Variants in ODAD2 observed in about 807,000 individuals in gnomAD.
ODAD2 encodes outer dynein arm-docking complex subunit 2.
ODAD2 carries 89 observed loss-of-function variants against 106.8 expected under a neutral mutation model. The ratio of observed to expected loss-of-function variants is 0.83; its 90% CI spans 0.70 to 0.99. ODAD2 has a LOEUF of 0.99. Among genes scored for constraint, ODAD2 ranks in the 50% least tolerant of loss-of-function variants. The probability of loss-of-function intolerance (pLI) is 0.00; values close to 1 mark genes in which losing one functional copy is unlikely to be tolerated. For missense variants in ODAD2, 1,168 were observed against 1,238.5 expected (o/e 0.94, Z 0.85); for synonymous variants, 404 against 436.2 (o/e 0.93, Z 0.92).
At chr10:27,899,605 C>A (rs926002604) in intron 17 of ODAD2, among the ~76,000 whole-genome samples, 1 of 152,120 alleles carries the variant, frequency 6.6e-6, no homozygotes, top group African/African-American at 2.4e-5. Context: ...CAAAGTCGAC[C>A]TGGCATGCTC....
chr10:27,941,769 C>A (rs1846466424), intron 12 of ODAD2, among the ~76,000 whole-genome samples: 1 of 152,140 alleles, frequency 6.6e-6, no homozygotes, highest in African/African-American at 2.4e-5. Context: ...CTGTCTCTAT[C>A]TGGGGCTTGG....
intron 17 of ODAD2, chr10:27,905,306 C>A (rs894302043): frequency 6.6e-6 from 1 of 151,994 alleles, no homozygotes; most frequent in East Asian, 1.9e-4. Flanking sequence ...ATACAACTTA[C>A]AAGGGATGTG....
chr10:27,986,682 G>A (rs988270550), intron 3 of ODAD2, among the ~76,000 whole-genome samples: 2 of 152,080 alleles, frequency 1.3e-5, no homozygotes, highest in African/African-American at 4.8e-5. Context: ...AATAAAGCAG[G>A]ACGCATACAT....
At chr10:27,985,882 G>A (rs922130519) in intron 3 of ODAD2, among the ~76,000 whole-genome samples, 1 of 151,896 alleles carries the variant, frequency 6.6e-6, no homozygotes, top group African/African-American at 2.4e-5. Context: ...ACCTAGAGAT[G>A]TTGAAAACAG....
chr10:27,888,790 C>G (rs1196156436), intron 17 of ODAD2, among the ~76,000 whole-genome samples: 1 of 152,084 alleles, frequency 6.6e-6, no homozygotes, highest in Non-Finnish European at 1.5e-5. Flanking sequence ...ACAAGGGTGT[C>G]AAAACTATTC....
chr10:27,883,064 A>T (rs1857617), intron 17 of ODAD2, among the ~76,000 whole-genome samples: 4 of 151,668 alleles, frequency 2.6e-5, no homozygotes, highest in Non-Finnish European at 4.4e-5. Context: ...GGAATCTAAA[A>T]GGCTACATAC....
chr10:27,843,265 G>T lies in ODAD2; in HGVS notation c.3021+17360C>A, dbSNP rs1197796159. On this transcript the variant is annotated intron_variant, in intron 19 of 19. Coordinates refer to ENST00000305242, the MANE Select transcript of ODAD2 (RefSeq NM_018076.5). ...AACAGCCTATCTGCAACAAATCTGTGCATGAAAATCTTGAAGGTTTAGAAA... is the reference window on the plus strand; with the variant it reads ...AACAGCCTATCTGCAACAAATCTGTTCATGAAAATCTTGAAGGTTTAGAAA... Among the ~76,000 whole-genome samples the T allele has an allele frequency of 2.0e-5, 3 of 152,170 alleles. No homozygotes were observed. In the East Asian group the frequency reaches 5.8e-4, roughly 29 times the overall value.
At chr10:27,862,840 T>TA (rs1564440300) in intron 17 of ODAD2, among the ~76,000 whole-genome samples, 2 of 151,984 alleles carry the variant, frequency 1.3e-5, no homozygotes, top group South Asian at 4.1e-4. Context: ...GTAGCACATA[T>TA]AAAAATTCAG....
intron 17 of ODAD2, among the ~76,000 whole-genome samples, chr10:27,865,404 A>C (rs2133372303): frequency 6.6e-6 from 1 of 152,288 alleles, no homozygotes; most frequent in Non-Finnish European, 1.5e-5. Context: ...GTCTGCACAA[A>C]CCTTTTCTGT....
intron 16 of ODAD2, among the ~76,000 whole-genome samples, chr10:27,916,847 G>A (rs1019844691): frequency 1.3e-5 from 2 of 152,026 alleles, no homozygotes; most frequent in Admixed American, 6.6e-5. Context: ...ACAGATTTTC[G>A]ACTGCATGGA....
At chr10:27,970,684 C>A (rs1447665961) in intron 8 of ODAD2, among the ~76,000 whole-genome samples, 1 of 152,126 alleles carries the variant, frequency 6.6e-6, no homozygotes. Context: ...AAAGTTCTGG[C>A]CAGACGCAGT....
chr10:27,850,194 C>G (rs1241403420), intron 19 of ODAD2, among the ~76,000 whole-genome samples: 1 of 152,104 alleles, frequency 6.6e-6, no homozygotes, highest in African/African-American at 2.4e-5. Flanking sequence ...CCTGTAATCT[C>G]AACACTTTGG....
intron 16 of ODAD2, among the ~76,000 whole-genome samples, chr10:27,929,308 A>T (rs1479296747): frequency 2.0e-5 from 3 of 152,148 alleles, no homozygotes; most frequent in African/African-American, 7.2e-5. Flanking sequence ...TAGATAAAAT[A>T]ATGTTTTGTA....
chr10:27,997,353 T>G (rs1440045455), intron 1 of ODAD2: 2 of 152,164 alleles, frequency 1.3e-5, no homozygotes, highest in Non-Finnish European at 2.9e-5. Flanking sequence ...ACAGAAAGGC[T>G]TAGGTGAAAG....
chr10:27,958,967 C>T (rs1218413846), intron 10 of ODAD2: 10 of 1,303,426 alleles, frequency 7.7e-6, no homozygotes, highest in Non-Finnish European at 9.1e-6. Flanking sequence ...GACTTGTTTC[C>T]TTTTGCTAAT....
intron 19 of ODAD2, among the ~76,000 whole-genome samples, chr10:27,819,920 G>A (rs541776223): frequency 6.6e-6 from 1 of 152,252 alleles, no homozygotes; most frequent in South Asian, 2.1e-4. Flanking sequence ...TTTTAGATCA[G>A]GACTGGACCA....
chr10:27,818,727 G>A (rs1024207601), intron 19 of ODAD2, among the ~76,000 whole-genome samples: 15 of 152,176 alleles, frequency 9.9e-5, no homozygotes, highest in African/African-American at 7.2e-5. Flanking sequence ...CACCCGCCTC[G>A]CTTCTGCTCC....
At chr10:27,869,734 C>T (rs1310518794) in intron 17 of ODAD2, among the ~76,000 whole-genome samples, 1 of 151,938 alleles carries the variant, frequency 6.6e-6, no homozygotes, top group African/African-American at 2.4e-5. Flanking sequence ...AGGGTTTCAC[C>T]ATGTTGGCCA....
At chr10:27,832,587 C>G (rs1486517673) in intron 19 of ODAD2, among the ~76,000 whole-genome samples, 7 of 152,058 alleles carry the variant, frequency 4.6e-5, no homozygotes, top group Non-Finnish European at 8.8e-5. Context: ...AGAACTTTGT[C>G]AAAAACATCC....
Sources: allele counts gnomAD v4.1 joint callset (sites outside exome capture counted in the v4.1 genomes callset), GRCh38; gene constraint gnomAD v4.1.1; transcripts MANE v1.5; gene names NCBI Gene and HGNC (gene_info 2026-07-23, HGNC 2026-07-21).